RPS6KA2: variants seen among roughly 807,000 people sequenced by gnomAD.
The protein encoded by RPS6KA2 is ribosomal protein S6 kinase A2, also known as ribosomal protein S6 kinase alpha-2.
In RPS6KA2, 42 loss-of-function variants were observed where a neutral mutation model predicts 91.8. The ratio of observed to expected loss-of-function variants is 0.46; its 90% confidence interval spans 0.36 to 0.59. The LOEUF (loss-of-function observed/expected upper bound fraction) is 0.59, where lower values mean the gene tolerates loss of function less well. Ranked by LOEUF, RPS6KA2 falls within the 20% of genes least tolerant of loss-of-function variation. The pLI is 0.00. For missense variants in RPS6KA2, 798 were observed against 978.5 expected (o/e 0.82, Z 2.46); for synonymous variants, 414 against 393.6 (o/e 1.05, Z -0.61).
intron 2 of RPS6KA2, among the ~76,000 whole-genome samples, chr6:166,674,952 A>G (rs1245149339): frequency 6.6e-6 from 1 of 152,222 alleles, no homozygotes; most frequent in Non-Finnish European, 1.5e-5. Context: ...TATAGGCATG[A>G]GCCACTGTGC....
At chr6:166,573,582 A>G (rs1784753027) in intron 1 of RPS6KA2, among the ~76,000 whole-genome samples, 1 of 152,242 alleles carries the variant, frequency 6.6e-6, no homozygotes, top group African/African-American at 2.4e-5. Flanking sequence ...GACTTTTTAC[A>G]AAGTGAGCTC....
At chr6:166,859,168 T>C (rs1319028874) in intron 1 of RPS6KA2, among the ~76,000 whole-genome samples, 1 of 152,276 alleles carries the variant, frequency 6.6e-6, no homozygotes, top group South Asian at 2.1e-4. Flanking sequence ...AGCTTGACTA[T>C]GAATCTTCAG....
In RPS6KA2 at chr6:166,603,519, G is replaced by A. The variant is rs536990158; in HGVS notation, c.99+23402C>T. 1.9e-4 allele frequency among the ~76,000 whole-genome samples: 29 copies of A among 152,216 alleles called. No homozygotes were observed. In the South Asian group the frequency reaches 3.7e-3, roughly 20 times the overall value. ...TGGGATTAGCATGGGGGCAGCTACC[G>A]ACCAGTCACCTTCTGGAGTCGAGGG... On this transcript the variant is annotated intron_variant, in intron 1 of 20. Coordinates refer to ENST00000265678, the MANE Select transcript of RPS6KA2 (RefSeq NM_021135.6). This position sits in a 1 kb window ranked among gnomAD's most constrained non-coding sequence, Gnocchi z 4.3.
intron 2 of RPS6KA2, among the ~76,000 whole-genome samples, chr6:166,843,544 CAGG>C (rs1780538140): frequency 6.6e-6 from 1 of 152,242 alleles, no homozygotes; most frequent in Admixed American, 6.5e-5. Context: ...TCCACTGGAG[CAGG>C]TGCTGGTATC....
intron 1 of RPS6KA2, among the ~76,000 whole-genome samples, chr6:166,546,017 C>T (rs924325180): frequency 1.3e-5 from 2 of 152,200 alleles, no homozygotes; most frequent in Admixed American, 6.5e-5. Context: ...CCCTGGGAAA[C>T]GTCAGTGTGA....
chr6:166,756,222 A>G (rs190598834), intron 2 of RPS6KA2, among the ~76,000 whole-genome samples: 2,649 of 152,064 alleles, frequency 0.017, 82 homozygotes, highest in African/African-American at 0.061. Flanking sequence ...CCCAGGAGGC[A>G]GAGCTTGCAG....
intron 15 of RPS6KA2, among the ~76,000 whole-genome samples, chr6:166,431,076 C>T (rs1039901347): frequency 1.3e-5 from 2 of 152,080 alleles, no homozygotes; most frequent in African/African-American, 2.4e-5. Flanking sequence ...TATAGGTGCA[C>T]GTCACCATGC....
chr6:166,478,247 TA>T (rs1273491822), intron 10 of RPS6KA2, among the ~76,000 whole-genome samples: 1 of 152,198 alleles, frequency 6.6e-6, no homozygotes, highest in Non-Finnish European at 1.5e-5. Context: ...CTCACGTGCT[TA>T]TGTTATAATA....
At chr6:166,810,109 A>G (rs934664001) in intron 2 of RPS6KA2, among the ~76,000 whole-genome samples, 2 of 152,216 alleles carry the variant, frequency 1.3e-5, no homozygotes, top group Non-Finnish European at 2.9e-5. Flanking sequence ...GAGTGCACGC[A>G]GGGGAGATGC....
chr6:166,690,274 T>C (rs965148553), intron 2 of RPS6KA2, among the ~76,000 whole-genome samples: 44 of 152,088 alleles, frequency 2.9e-4, no homozygotes, highest in African/African-American at 9.9e-4. Flanking sequence ...TGTCCTTACA[T>C]CCAGAGTGAG....
intron 10 of RPS6KA2, among the ~76,000 whole-genome samples, chr6:166,470,266 G>A (rs544404072): frequency 2.6e-4 from 39 of 152,338 alleles, no homozygotes; most frequent in African/African-American, 9.1e-4. Context: ...AGCACCAGGT[G>A]GACCTCCCAG....
chr6:166,502,539 C>T (rs7764416), intron 6 of RPS6KA2, among the ~76,000 whole-genome samples: 6 of 152,194 alleles, frequency 3.9e-5, no homozygotes, highest in Admixed American at 3.9e-4. Flanking sequence ...AGTGGATGCA[C>T]GGGGAGTGTG....
intron 2 of RPS6KA2, among the ~76,000 whole-genome samples, chr6:166,650,286 C>T (rs1251554830): frequency 6.6e-6 from 1 of 152,096 alleles, no homozygotes; most frequent in African/African-American, 2.4e-5. Context: ...CTTTCATCAC[C>T]ACATTCTTAT....
At chr6:166,835,465 T>C (rs190043657) in intron 2 of RPS6KA2, among the ~76,000 whole-genome samples, 2 of 152,238 alleles carry the variant, frequency 1.3e-5, no homozygotes, top group Non-Finnish European at 2.9e-5. Context: ...AGCCATGTTT[T>C]GTAATTTTCA....
intron 1 of RPS6KA2, among the ~76,000 whole-genome samples, chr6:166,560,013 A>G (rs1388379946): frequency 6.6e-6 from 1 of 152,236 alleles, no homozygotes; most frequent in East Asian, 1.9e-4. Context: ...TGCAAACCGC[A>G]TGACCTTCCC....
chr6:166,613,806 T>C (rs1471859665), intron 1 of RPS6KA2, among the ~76,000 whole-genome samples: 1 of 149,832 alleles, frequency 6.7e-6, no homozygotes, highest in Non-Finnish European at 1.5e-5. Context: ...ACAGTCGGGC[T>C]TTTCACGGCC....
At chr6:166,589,484 A>G (rs1296871506) in intron 1 of RPS6KA2, among the ~76,000 whole-genome samples, 4 of 152,242 alleles carry the variant, frequency 2.6e-5, no homozygotes, top group Non-Finnish European at 5.9e-5. Flanking sequence ...AGTATCTTCT[A>G]TGCCCGACAG....
intron 2 of RPS6KA2, among the ~76,000 whole-genome samples, chr6:166,636,032 A>G (rs941321044): frequency 2.0e-5 from 3 of 152,176 alleles, no homozygotes; most frequent in Non-Finnish European, 2.9e-5. Context: ...CTTTCTTGCC[A>G]GTAAAGTATA....
intron 2 of RPS6KA2, among the ~76,000 whole-genome samples, chr6:166,712,282 G>A (rs951103414): frequency 6.6e-6 from 1 of 152,196 alleles, no homozygotes; most frequent in Non-Finnish European, 1.5e-5. Context: ...TGGTGGTGAG[G>A]GCAAGGCCAG....
Sources: allele counts gnomAD v4.1 joint callset (sites outside exome capture counted in the v4.1 genomes callset), GRCh38; gene constraint gnomAD v4.1.1; non-coding constraint Gnocchi (gnomAD v3.1); transcripts MANE v1.5; gene names NCBI Gene and HGNC (gene_info 2026-07-23, HGNC 2026-07-21).